Variants in CDH18 observed in about 807,000 individuals in gnomAD.
CDH18 encodes cadherin-18.
CDH18 carries 31 observed loss-of-function variants against 67.9 expected under a neutral mutation model. The ratio of observed to expected loss-of-function variants is 0.46; its 90% confidence interval spans 0.34 to 0.62. The LOEUF (loss-of-function observed/expected upper bound fraction) is 0.62. Among genes scored for constraint, CDH18 ranks in the 20% least tolerant of loss-of-function variants. The pLI is 0.01. For missense variants in CDH18, 890 were observed against 975.5 expected (o/e 0.91, Z 1.17); for synonymous variants, 362 against 347.2 (o/e 1.04, Z -0.48).
intron 12 of CDH18, among the ~76,000 whole-genome samples, chr5:19,476,357 T>C (rs1178234603): frequency 1.3e-5 from 2 of 152,092 alleles, no homozygotes; most frequent in South Asian, 2.1e-4. Flanking sequence ...TGCCCTGATC[T>C]ACAAATATTA....
chr5:20,279,779 T>C (rs1405959805), intron 1 of CDH18, among the ~76,000 whole-genome samples: 1 of 145,228 alleles, frequency 6.9e-6, no homozygotes, highest in Non-Finnish European at 1.5e-5. Context: ...AGCTGCAGAG[T>C]TCAATCCTTC....
intron 2 of CDH18, among the ~76,000 whole-genome samples, chr5:20,037,046 G>A (rs190755614): frequency 4.7e-4 from 71 of 151,986 alleles, no homozygotes; most frequent in African/African-American, 1.5e-3. Context: ...ACAGCACACC[G>A]ATGGGTCTTG....
At chr5:20,501,587 A>G (rs1356026629) in intron 1 of CDH18, among the ~76,000 whole-genome samples, 9 of 14,098 alleles carry the variant, frequency 6.4e-4, no homozygotes, top group African/African-American at 1.5e-3. Context: ...TATATTATAT[A>G]TATATATTAT....
At chr5:19,889,048 C>T (rs965708855) in intron 2 of CDH18, among the ~76,000 whole-genome samples, 6 of 152,154 alleles carry the variant, frequency 3.9e-5, no homozygotes, top group African/African-American at 1.4e-4. Context: ...CCATATACTT[C>T]AAATCATCAT....
intron 2 of CDH18, among the ~76,000 whole-genome samples, chr5:20,065,451 G>A (rs192699608): frequency 1.0e-3 from 158 of 151,998 alleles, no homozygotes; most frequent in African/African-American, 3.4e-3. Context: ...ATAAAAAGGC[G>A]AAGGGTAATA....
At chr5:20,352,175 C>CTT (rs1312035470) in intron 1 of CDH18, among the ~76,000 whole-genome samples, 5 of 152,300 alleles carry the variant, frequency 3.3e-5, no homozygotes, top group African/African-American at 1.2e-4. Flanking sequence ...TTCTGCAACT[C>CTT]TGAGACAGTA....
intron 1 of CDH18, among the ~76,000 whole-genome samples, chr5:20,406,136 A>C (rs1033674121): frequency 6.6e-6 from 1 of 152,310 alleles, no homozygotes; most frequent in East Asian, 1.9e-4. Flanking sequence ...ATGCACACAT[A>C]TGTTTATTGC....
intron 1 of CDH18, among the ~76,000 whole-genome samples, chr5:20,501,649 A>AGTGCAGT (rs1754334237): frequency 1.5e-5 from 2 of 132,156 alleles, no homozygotes; most frequent in Non-Finnish European, 3.1e-5. Context: ...CCCAGGCAGG[A>AGTGCAGT]GTGCAGTGGT....
intron 5 of CDH18, among the ~76,000 whole-genome samples, chr5:19,679,223 T>G (rs527312861): frequency 6.6e-6 from 1 of 152,184 alleles, no homozygotes; most frequent in South Asian, 2.1e-4. Flanking sequence ...TCTCAATAGA[T>G]GCAGAAAAGT....
chr5:20,077,891 C>T (rs1744087344), intron 2 of CDH18, among the ~76,000 whole-genome samples: 1 of 151,968 alleles, frequency 6.6e-6, no homozygotes, highest in Non-Finnish European at 1.5e-5. Flanking sequence ...ATTGCATAAT[C>T]CTGAGGGTTT....
At chr5:19,643,148 T>C (rs921275215) in intron 5 of CDH18, among the ~76,000 whole-genome samples, 3 of 152,040 alleles carry the variant, frequency 2.0e-5, no homozygotes, top group African/African-American at 7.2e-5. Context: ...ACTTTAGCCC[T>C]CTTAGAATGG....
At chr5:20,469,534 A>G (rs1013508369) in intron 1 of CDH18, among the ~76,000 whole-genome samples, 1 of 152,122 alleles carries the variant, frequency 6.6e-6, no homozygotes, top group Non-Finnish European at 1.5e-5. Flanking sequence ...TGCCCTTCAC[A>G]AGTTTGCTGT....
At chr5:20,453,553 A>G (rs911693581) in intron 1 of CDH18, among the ~76,000 whole-genome samples, 5 of 137,116 alleles carry the variant, frequency 3.6e-5, no homozygotes, top group Non-Finnish European at 6.3e-5. Context: ...GTGTATATGT[A>G]TGTGTGTGTG....
intron 1 of CDH18, among the ~76,000 whole-genome samples, chr5:20,364,104 T>G (rs1199996645): frequency 6.6e-6 from 1 of 152,160 alleles, no homozygotes; most frequent in Non-Finnish European, 1.5e-5. Context: ...ATGCTTTTAT[T>G]ATCGTTAATG....
At chr5:20,260,194 A>G (rs761332395) in intron 1 of CDH18, among the ~76,000 whole-genome samples, 59 of 151,536 alleles carry the variant, frequency 3.9e-4, no homozygotes, top group South Asian at 1.0e-3. Flanking sequence ...GCTGTCCCCA[A>G]CACTTCTGAA....
intron 1 of CDH18, among the ~76,000 whole-genome samples, chr5:20,426,166 T>A (rs1313980435): frequency 6.6e-6 from 1 of 151,236 alleles, no homozygotes; most frequent in Non-Finnish European, 1.5e-5. Flanking sequence ...GACAACTTTG[T>A]GGCTCAGTTC....
chr5:19,996,482 AACT>A (rs1736030782), intron 2 of CDH18, among the ~76,000 whole-genome samples: 1 of 152,026 alleles, frequency 6.6e-6, no homozygotes, highest in Non-Finnish European at 1.5e-5. Context: ...CTGAAATTGA[AACT>A]ACTAAGTAAA....
intron 2 of CDH18, among the ~76,000 whole-genome samples, chr5:20,135,739 A>G (rs1561819021): frequency 6.6e-6 from 1 of 152,106 alleles, no homozygotes; most frequent in Non-Finnish European, 1.5e-5. Flanking sequence ...AGTGCTATAA[A>G]TTTCCCTCTA....
chr5:19,912,971 G>C (rs1237860858), intron 2 of CDH18, among the ~76,000 whole-genome samples: 2 of 152,138 alleles, frequency 1.3e-5, no homozygotes, highest in African/African-American at 4.8e-5. Flanking sequence ...ACTATGAGAA[G>C]GCTTTGAAGC....
Sources: gnomAD v4.1 joint callset for allele counts (sites outside exome capture counted in the v4.1 genomes callset) on GRCh38, gnomAD v4.1.1 for gene constraint, MANE v1.5 for transcripts, NCBI Gene and HGNC (gene_info 2026-07-23, HGNC 2026-07-21) for gene names.